Variants in OTUD7A observed in about 807,000 individuals in gnomAD.
OTUD7A encodes OTU deubiquitinase 7A.
OTUD7A carries 12 observed loss-of-function variants against 65.7 expected under a neutral mutation model. The observed-to-expected ratio is 0.18, with a 90% CI of 0.12 to 0.30. The LOEUF (loss-of-function observed/expected upper bound fraction) is 0.30, where lower values mean the gene tolerates loss of function less well. OTUD7A is among the 10% of genes least tolerant of loss of function. OTUD7A has a pLI of 1.00. For missense variants in OTUD7A, 1,148 were observed against 1,304.8 expected (o/e 0.88, Z 1.85); for synonymous variants, 641 against 586.3 (o/e 1.09, Z -1.35).
At chr15:31,815,012 T>C (rs1175251790) in intron 1 of OTUD7A, among the ~76,000 whole-genome samples, 1 of 152,174 alleles carries the variant, frequency 6.6e-6, no homozygotes, top group East Asian at 1.9e-4. Flanking sequence ...CCTGCCATGT[T>C]CCCTGACTCT....
At chr15:31,559,799 GCA>G (rs1049566892) in intron 4 of OTUD7A, among the ~76,000 whole-genome samples, 22 of 152,080 alleles carry the variant, frequency 1.4e-4, no homozygotes, top group African/African-American at 5.1e-4. Flanking sequence ...GTACATACAT[GCA>G]CAGACTATAT....
At chr15:31,670,709 C>T (rs542993099) in intron 1 of OTUD7A, among the ~76,000 whole-genome samples, 2 of 152,034 alleles carry the variant, frequency 1.3e-5, no homozygotes, top group African/African-American at 2.4e-5. Flanking sequence ...AATCTTCTCC[C>T]GGCCGGGCGC....
chr15:31,507,545 G>A (rs1213190933), intron 8 of OTUD7A, among the ~76,000 whole-genome samples: 1 of 152,192 alleles, frequency 6.6e-6, no homozygotes, highest in African/African-American at 2.4e-5. Flanking sequence ...CCCAAAGAGT[G>A]AGCAGCAGCA....
At chr15:31,610,615 A>ATTTTTTTTTTTTTTTTTTTTTTT (rs1336235314) in intron 3 of OTUD7A, among the ~76,000 whole-genome samples, 1 of 32,848 alleles carries the variant, frequency 3.0e-5, no homozygotes, top group Non-Finnish European at 5.0e-5. Flanking sequence ...ATATATATAT[A>ATTTTTTTTTTTTTTTTTTTTTTT]TATTTTTTTT....
At chr15:31,584,261 T>C (rs1401294626) in intron 3 of OTUD7A, among the ~76,000 whole-genome samples, 1 of 152,242 alleles carries the variant, frequency 6.6e-6, no homozygotes, top group East Asian at 1.9e-4. Context: ...TTTCTGACAC[T>C]GCACACTGAT....
At chr15:31,566,591 T>G (rs918295261) in intron 4 of OTUD7A, among the ~76,000 whole-genome samples, 3 of 152,144 alleles carry the variant, frequency 2.0e-5, no homozygotes, top group Non-Finnish European at 4.4e-5. Context: ...GTTTGAATAT[T>G]TGTCTCCAAA....
At chr15:31,655,509 C>T (rs1388279103) in intron 2 of OTUD7A, among the ~76,000 whole-genome samples, 3 of 150,860 alleles carry the variant, frequency 2.0e-5, no homozygotes, top group Non-Finnish European at 4.4e-5. Context: ...GTTTGTGTTC[C>T]CTCCCAAAAT....
At chr15:31,488,144 T>C (rs949483183) in intron 10 of OTUD7A, among the ~76,000 whole-genome samples, 17 of 152,146 alleles carry the variant, frequency 1.1e-4, no homozygotes, top group African/African-American at 4.1e-4. Flanking sequence ...CAGGTGGTGA[T>C]GAGCCCTGGA....
intron 3 of OTUD7A, among the ~76,000 whole-genome samples, chr15:31,597,018 G>C (rs1184747941): frequency 6.6e-6 from 1 of 152,014 alleles, no homozygotes. Flanking sequence ...TCTGCTTCCC[G>C]GGCTCAAGTA....
chr15:31,704,367 G>A (rs1893279530), intron 1 of OTUD7A, among the ~76,000 whole-genome samples: 1 of 106,050 alleles, frequency 9.4e-6, no homozygotes, highest in Non-Finnish European at 2.0e-5. Flanking sequence ...GCCTGTATCA[G>A]GGCACTACTG....
intron 3 of OTUD7A, among the ~76,000 whole-genome samples, chr15:31,651,966 G>C (rs557116851): frequency 4.3e-5 from 6 of 140,494 alleles, no homozygotes; most frequent in African/African-American, 7.9e-5. Flanking sequence ...AGAGTAGATA[G>C]AGGTAAGCAG....
intron 3 of OTUD7A, among the ~76,000 whole-genome samples, chr15:31,577,612 C>T (rs1889241353): frequency 6.6e-6 from 1 of 152,058 alleles, no homozygotes; most frequent in South Asian, 2.1e-4. Flanking sequence ...TCACCTTGGG[C>T]GCTTGTTCTC....
chr15:31,870,029 G>C (rs567833445), intron 1 of OTUD7A, among the ~76,000 whole-genome samples: 3 of 151,466 alleles, frequency 2.0e-5, no homozygotes, highest in African/African-American at 7.2e-5. Flanking sequence ...TCACAGCTCC[G>C]GTGCCCGGCG....
intron 1 of OTUD7A, among the ~76,000 whole-genome samples, chr15:31,659,788 C>G (rs1373100343): frequency 6.6e-6 from 1 of 152,214 alleles, no homozygotes; most frequent in Non-Finnish European, 1.5e-5. Context: ...GGAGTGGGAG[C>G]TCGCTCTCAT....
chr15:31,647,577 T>C (rs2654158), intron 3 of OTUD7A, among the ~76,000 whole-genome samples: 192 of 152,318 alleles, frequency 1.3e-3, no homozygotes, highest in Non-Finnish European at 5.7e-4. Flanking sequence ...GAAGCCTTCC[T>C]TGACAACCCT....
At chr15:31,703,548 G>A (rs1893261353) in intron 1 of OTUD7A, among the ~76,000 whole-genome samples, 1 of 151,954 alleles carries the variant, frequency 6.6e-6, no homozygotes, top group Non-Finnish European at 1.5e-5. Flanking sequence ...TATCAGAACA[G>A]CAAAAATAAA....
At chr15:31,860,699 A>ATATATG (rs1897714938) in intron 1 of OTUD7A, among the ~76,000 whole-genome samples, 10 of 128,860 alleles carry the variant, frequency 7.8e-5, no homozygotes, top group South Asian at 2.5e-4. Flanking sequence ...ATATATATAT[A>ATATATG]TGTATGTATA....
At chr15:31,868,881 G>C (rs1897949686) in intron 1 of OTUD7A, among the ~76,000 whole-genome samples, 1 of 152,184 alleles carries the variant, frequency 6.6e-6, no homozygotes, top group Admixed American at 6.5e-5. Context: ...CAGGGTTCAA[G>C]AGATTGAAGT....
In OTUD7A at chr15:31,838,404, C is replaced by T. The variant is rs1405466589; in HGVS notation, c.-100+32103G>A. 4.6e-5 allele frequency among the ~76,000 whole-genome samples: 7 copies of T among 152,250 alleles called. No homozygotes were observed. The East Asian group carries it at 1.4e-3, about 29-fold the overall frequency. ...ATCATCCAGGGACCAAGCCAGAGAC[C>T]ATGGCCCTATCCTCCACATCACCCT... On this transcript the variant is annotated intron_variant, in intron 1 of 12. Transcript: ENST00000307050.
Sources: allele counts gnomAD v4.1 joint callset (sites outside exome capture counted in the v4.1 genomes callset), GRCh38; gene constraint gnomAD v4.1.1; transcripts MANE v1.5; gene names NCBI Gene and HGNC (gene_info 2026-07-23, HGNC 2026-07-21).